The following OPN1LW variants were observed in gnomAD, a reference collection of about 807,000 sequenced individuals.
OPN1LW encodes the protein opsin 1, long wave sensitive, also known as long-wave-sensitive opsin 1.
In OPN1LW, 4 loss-of-function variants were observed where a neutral mutation model predicts 18.1. The ratio of observed to expected loss-of-function variants is 0.22; its 90% CI spans 0.11 to 0.51. The LOEUF (loss-of-function observed/expected upper bound fraction) is 0.51. OPN1LW is among the 20% of genes least tolerant of loss of function. The pLI is 0.97. For missense variants in OPN1LW, 164 were observed against 234.9 expected, an observed-to-expected ratio of 0.70 and a Z score of 1.97; for synonymous variants, 86 against 101.2, an observed-to-expected ratio of 0.85 and a Z score of 0.90.
At position 154,154,771 on chromosome X, in the gene OPN1LW, G is replaced by A. The variant is rs782481346; in HGVS notation, c.744+32G>A. On this transcript the variant is annotated intron_variant, in intron 4 of 5. Transcript: ENST00000369951. ...CCCCCGATTCCTCCTGGCCTCACCC[G>A]CCTCCTGCCCCTAAGCTGCTCTGCC... The A allele has an allele frequency of 2.5e-5, 28 of 1,111,467 alleles. No homozygotes were observed. In the South Asian group the frequency reaches 3.2e-4, roughly 13 times the overall value. The allele number at this position is 1,111,467 out of a possible 1,213,427, so 91.6% of individuals were successfully genotyped here.
rs375152166 is a variant in OPN1LW, at chrX:154,149,160, G to C, written c.113-1496G>C. On this transcript the variant is annotated intron_variant, in intron 1 of 5. Coordinates refer to ENST00000369951, the MANE Select transcript of OPN1LW (RefSeq NM_020061.6). ...GCGGAGCTTGCAGTGAGCCGAGATC[G>C]TGCCACTGCACTCCAGCCTGGGTGA... Among the ~76,000 whole-genome samples, 35 of 100,205 alleles carry C rather than the reference G, an allele frequency of 3.5e-4. No homozygotes were observed. The East Asian group carries it at 7.1e-3, about 20-fold the overall frequency. 87.0% of individuals were successfully genotyped at this position (100,205 alleles called of 115,157 possible).
chrX:154,156,479 T>C lies in OPN1LW; in HGVS notation c.930T>C (p.Phe310=), dbSNP rs781866279. The change falls in exon 5 of 6, where the codon TTT becomes TTC. Residue 310 remains phenylalanine (F), a synonymous_variant. Transcript: ENST00000369951. ...HPLMAALPAY[F]AKSATIYNPV... is the part of the protein sequence containing the mutation. ...TGATGGCTGCCCTGCCGGCCTACTT[T>C]GCCAAAAGTGCCACTATCTACAACC... The C allele has an allele frequency of 1.8e-5, 22 of 1,204,561 alleles. No homozygotes were observed. The highest frequency in any genetic ancestry group is 2.5e-5 in the Non-Finnish European group (22 of 890,425).
intron 1 of OPN1LW, among the ~76,000 whole-genome samples, chrX:154,149,390 T>C (rs782675784): frequency 1.0e-5 from 1 of 96,614 alleles, no homozygotes; most frequent in East Asian, 3.0e-4. Flanking sequence ...TAGCTGGGTG[T>C]GGTGGTGGGT....
rs1557156885 is a variant in OPN1LW, at chrX:154,144,295, G to A, written c.12G>A (p.Gln4=). The A allele has an allele frequency of 2.5e-6, 3 of 1,203,545 alleles. No homozygotes were observed. Among genetic ancestry groups the A allele is most frequent in the Non-Finnish European group, 2.2e-6 (2 of 892,508 alleles). ...GGCTTTCCATAGCCATGGCCCAGCA[G>A]TGGAGCCTCCAAAGGCTCGCAGGCC... is the stretch of plus-strand genomic sequence containing the variant. The part of the protein sequence containing the change: MAQ[Q]WSLQRLAGRH... The change falls in exon 1 of 6, where the codon CAG becomes CAA. Residue 4 remains glutamine (Q), a synonymous_variant. Transcript: ENST00000369951.
At chrX:154,149,515 G>C (rs781994567) in intron 1 of OPN1LW, among the ~76,000 whole-genome samples, 2 of 96,474 alleles carry the variant, frequency 2.1e-5, no homozygotes, top group South Asian at 4.5e-4. Context: ...CTGGGTGACA[G>C]AGCAAGACTT....
chrX:154,156,124 C>T (rs1334458835), intron 4 of OPN1LW, among the ~76,000 whole-genome samples, 170 bp from the exon 5 acceptor site: 1 of 54,567 alleles, frequency 1.8e-5, no homozygotes, highest in Non-Finnish European at 3.5e-5. Context: ...TTCTAGAACT[C>T]CCCCAGGGCC....
chrX:154,156,473 C>T lies in OPN1LW; in HGVS notation c.924C>T (p.Ala308=), dbSNP rs1557158010. The T allele has an allele frequency of 2.5e-6, 3 of 1,202,731 alleles. No homozygotes were observed. In the Admixed American group the frequency reaches 6.6e-5, roughly 26 times the overall value. The change falls in exon 5 of 6, where the codon GCC becomes GCT. Residue 308 remains alanine (A), a synonymous_variant. Coordinates refer to ENST00000369951, the MANE Select transcript of OPN1LW (RefSeq NM_020061.6). ...ACCCTTTGATGGCTGCCCTGCCGGC[C>T]TACTTTGCCAAAAGTGCCACTATCT... ...AFHPLMAALP[A]YFAKSATIYN... is the part of the protein sequence containing the mutation.
chrX:154,150,620 C>T, intron 1 of OPN1LW, 36 bp from the exon 2 acceptor site: 5 of 1,177,246 alleles, frequency 4.2e-6, no homozygotes, highest in South Asian at 1.8e-5. Flanking sequence ...GGTGCTGCAG[C>T]CCAGCTCCTC....
chrX:154,154,035 T>C (rs1306898307), intron 3 of OPN1LW, among the ~76,000 whole-genome samples: 1 of 91,718 alleles, frequency 1.1e-5, no homozygotes. Flanking sequence ...GGTGTAATTA[T>C]GGCTCACTGC....
At chrX:154,151,069 C>G in intron 2 of OPN1LW, 117 bp downstream of exon 2, 2 of 1,029,427 alleles carry the variant, frequency 1.9e-6, no homozygotes. Flanking sequence ...CCCTCCCCAT[C>G]TGCGCCTCAC....
intron 1 of OPN1LW, among the ~76,000 whole-genome samples, chrX:154,148,739 T>C (rs782293492): frequency 1.9e-5 from 2 of 105,057 alleles, no homozygotes; most frequent in South Asian, 3.7e-4. Flanking sequence ...AACATATGAA[T>C]TTGGGTGGGG....
intron 3 of OPN1LW, among the ~76,000 whole-genome samples, chrX:154,154,187 C>T (rs2067078253): frequency 1.0e-5 from 1 of 99,318 alleles, no homozygotes; most frequent in Non-Finnish European, 2.0e-5. Flanking sequence ...TAGTCTTGAA[C>T]TCCTGGGCTC....
chrX:154,149,245 A>G (rs1557157300), intron 1 of OPN1LW, among the ~76,000 whole-genome samples: 1 of 100,242 alleles, frequency 1.0e-5, no homozygotes, highest in Admixed American at 1.0e-4. Flanking sequence ...ATAAATTACC[A>G]GGCTGTGCAT....
chrX:154,154,521 G>A (rs1209229124), intron 3 of OPN1LW, 53 bp from the exon 4 acceptor site: 17 of 1,013,496 alleles, frequency 1.7e-5, no homozygotes, highest in East Asian at 1.6e-4. Flanking sequence ...TGGGCCGGGG[G>A]TCCTGGGTCA....
rs782727254 is a variant in OPN1LW, at chrX:154,154,728, G to C, written c.733G>C (p.Ala245Pro). ...IMLCYLQVWL[A>P]IRAVAKQQKE... ...GCTCTGCTACCTCCAAGTGTGGCTG[G>C]CCATCCGAGCGGTAAGCCCCCCGAT... The change falls in exon 4 of 6, where the codon GCC (alanine) becomes CCC (proline). Residue 245 changes from alanine (A) to proline (P), a missense_variant. By Grantham distance (27) the Ala-to-Pro change is conservative. Transcript: ENST00000369951. 8.4e-7 allele frequency: 1 copy of C among 1,191,451 alleles called. No individual in the cohort carries two copies. The highest frequency in any genetic ancestry group is 1.8e-5 in the South Asian group (1 of 55,788).
chrX:154,151,065 C>G, intron 2 of OPN1LW, 113 bp downstream of exon 2: 2 of 1,053,211 alleles, frequency 1.9e-6, no homozygotes, highest in South Asian at 3.8e-5. Flanking sequence ...GTCTCCCTCC[C>G]CATCTGCGCC....
chrX:154,145,782 C>T (rs1380345083), intron 1 of OPN1LW, among the ~76,000 whole-genome samples: 1 of 95,951 alleles, frequency 1.0e-5, no homozygotes, highest in Non-Finnish European at 2.1e-5. Flanking sequence ...CAAGCATCTA[C>T]TAAAGTAGAG....
In OPN1LW at chrX:154,156,401, C is replaced by T. The variant is rs191331006; in HGVS notation, c.852C>T (p.Tyr284=). 1.8e-5 allele frequency: 22 copies of T among 1,203,324 alleles called. No homozygotes were observed. The East Asian group carries it at 2.1e-4, about 11-fold the overall frequency. The change falls in exon 5 of 6, where the codon TAC becomes TAT. Residue 284 remains tyrosine (Y), a synonymous_variant. Transcript: ENST00000369951. ...CGTACTGCGTCTGCTGGGGACCCTA[C>T]ACCTTCTTCGCATGCTTTGCTGCTG... ...IFAYCVCWGP[Y]TFFACFAAAN... is the part of the protein sequence containing the mutation.
At chrX:154,149,531 CAAA>C (rs782136368) in intron 1 of OPN1LW, among the ~76,000 whole-genome samples, 3 of 59,506 alleles carry the variant, frequency 5.0e-5, no homozygotes, top group Non-Finnish European at 3.1e-5. Flanking sequence ...GACTTTGTCC[CAAA>C]AAAAAAAAAA....
Sources: gnomAD v4.1 joint callset for allele counts (sites outside exome capture counted in the v4.1 genomes callset) on GRCh38, gnomAD v4.1.1 for gene constraint, MANE v1.5 for transcripts, NCBI Gene and HGNC (gene_info 2026-07-23, HGNC 2026-07-21) for gene names.